PTP4A3: variants seen among roughly 807,000 people sequenced by gnomAD.
PTP4A3 encodes the protein protein tyrosine phosphatase 4A3.
In PTP4A3, 9 loss-of-function variants were observed where a neutral mutation model predicts 15.2. The observed-to-expected ratio is 0.59, with a 90% CI of 0.36 to 1.03. The LOEUF (loss-of-function observed/expected upper bound fraction) is 1.03. Ranked by LOEUF, PTP4A3 falls within the 50% of genes least tolerant of loss-of-function variation. The probability of loss-of-function intolerance (pLI) is 0.02; values close to 1 mark genes in which losing one functional copy is unlikely to be tolerated. For missense variants in PTP4A3, 234 were observed against 252.1 expected, an observed-to-expected ratio of 0.93 and a Z score of 0.49; for synonymous variants, 95 against 102.0, an observed-to-expected ratio of 0.93 and a Z score of 0.41.
At chr8:141,408,215 A>G in intron 1 of PTP4A3, among the ~76,000 whole-genome samples, 1 of 148,822 alleles carries the variant, frequency 6.7e-6, no homozygotes, top group African/African-American at 2.5e-5. Flanking sequence ...CTGGGGGAGG[A>G]GGGGTGGAGT....
Position 141,431,090 on chromosome 8 carries a change from G to T in PTP4A3, c.*46G>T. The stretch of plus-strand genomic sequence containing the variant: ...TGGTCGTCATGTAGGTCAGGACCTT[G>T]GCTGGACCTGGAGGCCCTGCCCAGC... On this transcript the variant is annotated 3_prime_UTR_variant, in exon 6 of 6. Transcript: ENST00000521578. The T allele has an allele frequency of 6.3e-7, 1 of 1,586,668 alleles. No individual in the cohort carries two copies. The highest frequency in any genetic ancestry group is 1.7e-4 in the Middle Eastern group (1 of 6,002).
At chr8:141,414,000 G>A (rs933455727) in intron 1 of PTP4A3, among the ~76,000 whole-genome samples, 11 of 150,664 alleles carry the variant, frequency 7.3e-5, no homozygotes, top group African/African-American at 1.7e-4. Context: ...GGACTGCTGC[G>A]GGGCAATGGG....
At chr8:141,396,362 C>T (rs1832451384) in intron 1 of PTP4A3, among the ~76,000 whole-genome samples, 1 of 152,210 alleles carries the variant, frequency 6.6e-6, no homozygotes, top group Non-Finnish European at 1.5e-5. Flanking sequence ...AATTTGAACG[C>T]TGGCCATGCC....
rs1487309172 is a variant in PTP4A3, at chr8:141,425,944, C to G, written c.198+804C>G. 6.6e-6 allele frequency among the ~76,000 whole-genome samples: 1 copy of G among 152,208 alleles called. No homozygotes were observed. The highest frequency in any genetic ancestry group is 1.5e-5 in the Non-Finnish European group (1 of 68,012). ...GCAGGTCACTCCGAGCCTTGGGTTC[C>G]TCACCTCAAAGCGAGGCTGCTTGGA... On this transcript the variant is annotated intron_variant, in intron 3 of 5. Coordinates refer to ENST00000521578, the MANE Select transcript of PTP4A3 (RefSeq NM_032611.3). This position sits in a 1 kb window ranked among gnomAD's most constrained non-coding sequence, Gnocchi z 4.2.
At chr8:141,401,818 A>G (rs1832598303) in intron 1 of PTP4A3, among the ~76,000 whole-genome samples, 1 of 152,190 alleles carries the variant, frequency 6.6e-6, no homozygotes, top group Non-Finnish European at 1.5e-5. Context: ...GGGCCGGAGC[A>G]TGGACAGAAC....
At chr8:141,398,166 A>G (rs1832498255) in intron 1 of PTP4A3, among the ~76,000 whole-genome samples, 2 of 152,140 alleles carry the variant, frequency 1.3e-5, no homozygotes, top group South Asian at 4.1e-4. Context: ...TATTTGCTGG[A>G]TGAGGGGTGG....
chr8:141,411,595 C>A (rs1832870984), intron 1 of PTP4A3, among the ~76,000 whole-genome samples: 1 of 152,238 alleles, frequency 6.6e-6, no homozygotes, highest in African/African-American at 2.4e-5. Flanking sequence ...CCGGCTGAGT[C>A]CCCTCACCGT....
intron 4 of PTP4A3, among the ~76,000 whole-genome samples, chr8:141,427,369 C>T (rs750310176): frequency 2.0e-5 from 3 of 152,238 alleles, no homozygotes; most frequent in Non-Finnish European, 4.4e-5. Context: ...CAGCTGGGGC[C>T]TCAGACTCCC....
chr8:141,426,944 G>A lies in PTP4A3; in HGVS notation c.204G>A (p.Trp68Ter). 1 of 1,611,142 alleles carries A rather than the reference G, an allele frequency of 6.2e-7. No individual in the cohort carries two copies. The highest frequency in any genetic ancestry group is 8.5e-7 in the Non-Finnish European group (1 of 1,179,844). ...ATGTCTGCTTCCCTCCGTAGGACTG[G>A]CCGTTTGACGATGGGGCGCCCCCGC... ...LEKDGITVVD[W>*]PFDDGAPPPG... The change falls in exon 4 of 6, where the codon TGG becomes TGA. Residue 68 changes from tryptophan (W) to a stop codon, truncating the protein, a stop_gained. Transcript: ENST00000521578. LOFTEE classifies it high-confidence loss of function.
At position 141,425,082 on chromosome 8, in the gene PTP4A3, G is replaced by A. The variant is rs1215429028; in HGVS notation, c.140G>A (p.Arg47His). ...LKKYGATTVV[R>H]VCEVTYDKTP... ...AAGTACGGGGCTACCACTGTGGTGC[G>A]TGTGTGTGAAGTGACCTATGACAAA... The change falls in exon 3 of 6, where the codon CGT becomes CAT. Residue 47 changes from arginine (R) to histidine (H), a missense_variant. Arg to His is a conservative substitution (Grantham distance 29). Transcript: ENST00000521578. The surrounding 1 kb of genome is among the most constrained non-coding windows in gnomAD (Gnocchi z 4.2). 3 of 1,613,118 alleles carry A rather than the reference G, an allele frequency of 1.9e-6. No individual in the cohort carries two copies. The highest frequency in any genetic ancestry group is 2.2e-5 in the South Asian group (2 of 91,080).
At chr8:141,413,052 C>A (rs543498955) in intron 1 of PTP4A3, among the ~76,000 whole-genome samples, 2 of 152,326 alleles carry the variant, frequency 1.3e-5, no homozygotes, top group East Asian at 3.9e-4. Flanking sequence ...TCAGGCCATG[C>A]GGACCCTTGG....
At chr8:141,428,506 C>T (rs1302177469) in intron 5 of PTP4A3, among the ~76,000 whole-genome samples, 2 of 152,246 alleles carry the variant, frequency 1.3e-5, no homozygotes, top group Non-Finnish European at 2.9e-5. Context: ...GAGTGTGACA[C>T]ACCTGTGGTA....
intron 1 of PTP4A3, among the ~76,000 whole-genome samples, chr8:141,401,489 G>A (rs968868178): frequency 2.0e-5 from 3 of 152,190 alleles, no homozygotes; most frequent in Non-Finnish European, 2.9e-5. Context: ...AGAGGGCAGC[G>A]GGTCCATCTC....
intron 5 of PTP4A3, among the ~76,000 whole-genome samples, chr8:141,429,073 G>C (rs1020381945): frequency 1.3e-4 from 20 of 152,250 alleles, no homozygotes; most frequent in Admixed American, 2.0e-4. Context: ...CCATGCTGCG[G>C]AAACAGCCAG....
intron 1 of PTP4A3, among the ~76,000 whole-genome samples, chr8:141,400,257 TGCCCACCACTGTGCCCG>T (rs71733886): frequency 0.024 from 3,668 of 151,890 alleles, 133 homozygotes; most frequent in African/African-American, 0.077. Context: ...CTCTGCACCT[TGCCCACCACTGTGCCCG>T]GCCCACATCT....
At position 141,421,956 on chromosome 8, in the gene PTP4A3, T is replaced by C; in HGVS notation, c.-285T>C. 2.4e-6 allele frequency: 1 copy of C among 419,428 alleles called. No homozygotes were observed. The highest frequency in any genetic ancestry group is 3.9e-5 in the South Asian group (1 of 25,586). 26.0% of individuals were successfully genotyped at this position (419,428 alleles called of 1,614,324 possible). On this transcript the variant is annotated 5_prime_UTR_variant, in exon 2 of 6. Coordinates refer to ENST00000521578, the MANE Select transcript of PTP4A3 (RefSeq NM_032611.3). ...GAGTTTGGAGTTGCCCGCTTTACTT[T>C]GGTTGGGTTGGGGGGGGCGGCGGGC... is the stretch of plus-strand genomic sequence containing the variant.
Position 141,431,259 on chromosome 8 carries a change from C to G in PTP4A3, c.*215C>G, listed in dbSNP as rs1213752408. On this transcript the variant is annotated 3_prime_UTR_variant, in exon 6 of 6. Transcript: ENST00000521578. Reference sequence around the variant, plus strand: ...GGCCTCTGGGCCCTTTCTCCTGTCTCCGCCACTCCCTCTGGCGGCGCTGGC... The same window carrying G: ...GGCCTCTGGGCCCTTTCTCCTGTCTGCGCCACTCCCTCTGGCGGCGCTGGC... 4 of 579,896 alleles carry G rather than the reference C, an allele frequency of 6.9e-6. No individual in the cohort carries two copies. Among genetic ancestry groups the G allele is most frequent in the East Asian group, 2.9e-5 (1 of 34,802 alleles). 35.9% of individuals were successfully genotyped at this position (579,896 alleles called of 1,614,324 possible).
rs1370774967 is a variant in PTP4A3, at chr8:141,422,091, A to G, written c.-150A>G. 3 of 667,818 alleles carry G rather than the reference A, an allele frequency of 4.5e-6. No individual in the cohort carries two copies. Among genetic ancestry groups the G allele is most frequent in the Non-Finnish European group, 7.8e-6 (3 of 385,342 alleles). The allele number at this position is 667,818 out of a possible 1,614,324, so 41.4% of individuals were successfully genotyped here. Reference sequence around the variant, plus strand: ...TATTTGCACAATATTTGTGCGGGGTATGGGGGTGGGTTTTTAAATCTCGTT... The same window carrying G: ...TATTTGCACAATATTTGTGCGGGGTGTGGGGGTGGGTTTTTAAATCTCGTT... On this transcript the variant is annotated 5_prime_UTR_variant, in exon 2 of 6. The change abolishes an upstream ATG in the 5' untranslated region. Coordinates refer to ENST00000521578, the MANE Select transcript of PTP4A3 (RefSeq NM_032611.3).
chr8:141,416,576 C>T (rs951273672), intron 1 of PTP4A3, among the ~76,000 whole-genome samples: 9 of 152,132 alleles, frequency 5.9e-5, no homozygotes, highest in African/African-American at 9.7e-5. Context: ...CAGAGCCTAG[C>T]GTCTCCCTGT....
Sources: gnomAD v4.1 joint callset for allele counts (sites outside exome capture counted in the v4.1 genomes callset) on GRCh38, gnomAD v4.1.1 for gene constraint, Gnocchi (gnomAD v3.1) non-coding constraint, MANE v1.5 for transcripts, NCBI Gene and HGNC (gene_info 2026-07-23, HGNC 2026-07-21) for gene names.